CNKSR3: variants seen among roughly 807,000 people sequenced by gnomAD.
CNKSR3 encodes CNKSR family member 3, also known as connector enhancer of kinase suppressor of ras 3.
A neutral mutation model predicts 67.7 loss-of-function variants in CNKSR3; 36 were observed. That is an observed-to-expected ratio of 0.53 (90% CI 0.41 to 0.70). The LOEUF (loss-of-function observed/expected upper bound fraction) is 0.70, where lower values mean the gene tolerates loss of function less well. CNKSR3 is among the 30% of genes least tolerant of loss of function. The pLI, the probability that CNKSR3 is intolerant of heterozygous loss-of-function variation, is 0.00. For synonymous variants in CNKSR3, 281 were observed against 271.4 expected (o/e 1.04, Z -0.35); for missense variants, 630 against 695.2 (o/e 0.91, Z 1.05).
intron 1 of CNKSR3, among the ~76,000 whole-genome samples, chr6:154,479,328 C>T (rs79278380): frequency 2.3e-3 from 344 of 152,178 alleles, no homozygotes; most frequent in Non-Finnish European, 3.8e-3. Context: ...CCTCCCATGT[C>T]GGTGGAAGGG....
At position 154,399,971 on chromosome 6, in the gene CNKSR3, T is replaced by C. The variant is rs1256404104; in HGVS notation, c.*6383A>G. On this transcript the variant is annotated 3_prime_UTR_variant, in exon 13 of 13. Transcript: ENST00000607772. ...GATATTTTCTCTCCTTTTAATCATT[T>C]CTTCACAAACATCTGAATGTTTATG... 2.0e-5 allele frequency: 3 copies of C among 152,236 alleles called. No homozygotes were observed. The highest frequency in any genetic ancestry group is 4.4e-5 in the Non-Finnish European group (3 of 68,046). 9.4% of individuals were successfully genotyped at this position (152,236 alleles called of 1,614,324 possible).
intron 1 of CNKSR3, among the ~76,000 whole-genome samples, chr6:154,493,912 G>A (rs1018239567): frequency 3.3e-5 from 5 of 152,076 alleles, no homozygotes; most frequent in African/African-American, 1.2e-4. Flanking sequence ...ATCACAGCTC[G>A]AGATGAGATT....
intron 1 of CNKSR3, among the ~76,000 whole-genome samples, chr6:154,473,095 G>A (rs574109179): frequency 8.5e-4 from 129 of 152,260 alleles, no homozygotes; most frequent in Admixed American, 1.7e-3. Context: ...AGAACCCTCC[G>A]TGATCACCAT....
chr6:154,443,190 G>A (rs979283118), intron 2 of CNKSR3, among the ~76,000 whole-genome samples: 6 of 152,132 alleles, frequency 3.9e-5, no homozygotes, highest in African/African-American at 4.8e-5. Context: ...GAGCCACCGC[G>A]CCTGGCCGAC....
rs1439180038 is a variant in CNKSR3, at chr6:154,389,860, A to G, written c.*16494T>C. The G allele has an allele frequency of 6.6e-6, 1 of 152,252 alleles. No homozygotes were observed. Among genetic ancestry groups the G allele is most frequent in the African/African-American group, 2.4e-5 (1 of 41,466 alleles). The allele number at this position is 152,252 out of a possible 1,614,324, so 9.4% of individuals were successfully genotyped here. A position where few individuals can be genotyped will look rare whatever the true frequency, so the allele number is the denominator to read the frequency against. On this transcript the variant is annotated 3_prime_UTR_variant, in exon 13 of 13. Transcript: ENST00000607772. ...TTAACTAAGGAGGTGAAAGACTTGT[A>G]TACTGAAAACTACAAAATACTGATG... is the stretch of plus-strand genomic sequence containing the variant.
At chr6:154,495,833 G>T (rs537007899) in intron 1 of CNKSR3, among the ~76,000 whole-genome samples, 48 of 152,044 alleles carry the variant, frequency 3.2e-4, no homozygotes, top group African/African-American at 1.1e-3. Context: ...CCACCTTTCG[G>T]TTCTGAGGCC....
intron 9 of CNKSR3, among the ~76,000 whole-genome samples, chr6:154,416,469 A>G (rs1451674468): frequency 6.6e-6 from 1 of 152,246 alleles, no homozygotes; most frequent in Non-Finnish European, 1.5e-5. Flanking sequence ...TGAGGCCAGG[A>G]TCCAGATTCT....
At chr6:154,455,997 CA>C (rs113572306) in intron 1 of CNKSR3, among the ~76,000 whole-genome samples, 3 of 146,740 alleles carry the variant, frequency 2.0e-5, no homozygotes, top group South Asian at 4.4e-4. Flanking sequence ...TGCCCCAATG[CA>C]AAAAAAAACA....
intron 1 of CNKSR3, among the ~76,000 whole-genome samples, chr6:154,484,248 A>T (rs1786621311): frequency 6.6e-6 from 1 of 152,224 alleles, no homozygotes; most frequent in Non-Finnish European, 1.5e-5. Context: ...TGGAATCCAT[A>T]GTGCTGAAAC....
intron 1 of CNKSR3, among the ~76,000 whole-genome samples, chr6:154,502,106 T>C (rs189068832): frequency 7.9e-4 from 120 of 152,250 alleles, no homozygotes; most frequent in South Asian, 3.5e-3. Context: ...ACATACGCCA[T>C]ACGTTATGCA....
In CNKSR3 at chr6:154,443,583, A is replaced by T. The variant is rs74483082; in HGVS notation, c.217-1293T>A. Among the ~76,000 whole-genome samples the T allele has an allele frequency of 7.0e-3, 1,065 of 152,200 alleles. 7 individuals carry two copies. Among genetic ancestry groups the T allele is most frequent in the Non-Finnish European group, 0.01 (687 of 68,002 alleles). ...GCAGGGCTCTGTGAGTATGCCCACT[A>T]CCGTATTTCCAGCACAGTGGACAAT... On this transcript the variant is annotated intron_variant, in intron 2 of 12. Coordinates refer to ENST00000607772, the MANE Select transcript of CNKSR3 (RefSeq NM_173515.4).
At chr6:154,414,916 C>T (rs549987567) in intron 9 of CNKSR3, among the ~76,000 whole-genome samples, 23 of 151,706 alleles carry the variant, frequency 1.5e-4, no homozygotes, top group African/African-American at 5.3e-4. Context: ...GGCAACATGG[C>T]GATACCCAGT....
Position 154,493,963 on chromosome 6 carries a change from T to G in CNKSR3, c.52+16100A>C, listed in dbSNP as rs191977316. ...AGCCAAACCACATCACACCCCCTAA[T>G]GTGTTCCAGTGACACTGAACTCCAC... On this transcript the variant is annotated intron_variant, in intron 1 of 12. Coordinates refer to ENST00000607772, the MANE Select transcript of CNKSR3 (RefSeq NM_173515.4). Among the ~76,000 whole-genome samples, 78 of 152,240 alleles carry G rather than the reference T, an allele frequency of 5.1e-4. 1 individual carries two copies. The East Asian group carries it at 0.012, about 24-fold the overall frequency.
At chr6:154,487,698 T>C (rs1786702605) in intron 1 of CNKSR3, among the ~76,000 whole-genome samples, 1 of 152,210 alleles carries the variant, frequency 6.6e-6, no homozygotes, top group Non-Finnish European at 1.5e-5. Flanking sequence ...TATTCTCTAT[T>C]GCAGGCAATT....
At chr6:154,441,447 G>T in intron 3 of CNKSR3, 68 bp from the exon 4 acceptor site, 1 of 1,151,532 alleles carries the variant, frequency 8.7e-7, no homozygotes. Context: ...CTGGATGTTG[G>T]TAAGCATAGC....
In CNKSR3 at chr6:154,411,036, G is replaced by C. The variant is rs762767264; in HGVS notation, c.1177C>G (p.Arg393Gly). ...SPNSFLDQES[R>G]RRRFTIADSD... ...TCTGCAATGGTGAATCTTCGTCTCC[G>C]GCTTTCCTGGTCCAAGAAGGAATTC... The change falls in exon 11 of 13, where the codon CGG becomes GGG. Residue 393 changes from arginine (R) to glycine (G), a missense_variant. Around this residue, in one of 3 missense-constraint regions of CNKSR3, gnomAD observed 308 missense variants for 299.6 expected, o/e 1.03. Transcript: ENST00000607772. The C allele has an allele frequency of 5.6e-6, 9 of 1,613,884 alleles. No individual in the cohort carries two copies. Among genetic ancestry groups the C allele is most frequent in the Non-Finnish European group, 8.5e-7 (1 of 1,179,992 alleles).
chr6:154,508,799 T>A (rs1787153435), intron 1 of CNKSR3, among the ~76,000 whole-genome samples: 1 of 152,186 alleles, frequency 6.6e-6, no homozygotes, highest in Non-Finnish European at 1.5e-5. Flanking sequence ...GAGCAGGAAA[T>A]GGTCAGACAT....
chr6:154,434,321 GA>G (rs1011732703), intron 4 of CNKSR3, among the ~76,000 whole-genome samples: 65 of 149,130 alleles, frequency 4.4e-4, no homozygotes, highest in African/African-American at 1.2e-3. Context: ...AATGCATGCA[GA>G]AAAAAAAAAT....
rs55806681 is a variant in CNKSR3 at position 154,468,393 on chromosome 6, TACACACACACAC to T, written c.53-18147_53-18136del. ...CTGCACCCAGCCCATATATATTTTA[TACACACACACAC>T]ACACACACACACACACACACACACA... On this transcript the variant is annotated intron_variant, in intron 1 of 12. Transcript: ENST00000607772. 5.9e-4 allele frequency among the ~76,000 whole-genome samples: 81 copies of T among 137,314 alleles called. 1 individual carries two copies. The highest frequency in any genetic ancestry group is 3.8e-3 in the Middle Eastern group (1 of 260). 90.1% of individuals were successfully genotyped at this position (137,314 alleles called of 152,430 possible).
Sources: allele counts gnomAD v4.1 joint callset (sites outside exome capture counted in the v4.1 genomes callset), GRCh38; gene constraint gnomAD v4.1.1; regional missense constraint gnomAD v4.1.1; transcripts MANE v1.5; gene names NCBI Gene and HGNC (gene_info 2026-07-23, HGNC 2026-07-21).